PTPRQ: variants seen among roughly 807,000 people sequenced by gnomAD.
PTPRQ encodes phosphatidylinositol phosphatase PTPRQ.
In PTPRQ, 199 loss-of-function variants were observed where a neutral mutation model predicts 246.0. That is an observed-to-expected ratio of 0.81 (90% CI 0.72 to 0.91). PTPRQ has a LOEUF of 0.91. Ranked by LOEUF, PTPRQ falls within the 40% of genes least tolerant of loss-of-function variation. PTPRQ has a pLI of 0.00. For missense variants in PTPRQ, 2,624 were observed against 2,528.4 expected (o/e 1.04, Z -0.81); for synonymous variants, 869 against 853.2 (o/e 1.02, Z -0.32).
Position 80,679,319 on chromosome 12 carries a change from T to C in PTPRQ, c.*296T>C, listed in dbSNP as rs989222806. 1 of 225,090 alleles carries C rather than the reference T, an allele frequency of 4.4e-6. No homozygotes were observed. The highest frequency in any genetic ancestry group is 8.6e-6 in the Non-Finnish European group (1 of 116,328). The allele number at this position is 225,090 out of a possible 1,614,324, so 13.9% of individuals were successfully genotyped here. A position where few individuals can be genotyped will look rare whatever the true frequency, so the allele number is the denominator to read the frequency against. On this transcript the variant is annotated 3_prime_UTR_variant, in exon 45 of 45. Transcript: ENST00000644991. ...AATAAGCCAAATAGAAAATTATTAT[T>C]ATATTAGCATTAATGTTTCAATGTG...
intron 43 of PTPRQ, among the ~76,000 whole-genome samples, chr12:80,675,776 G>A (rs1166029160): frequency 6.6e-6 from 1 of 152,116 alleles, no homozygotes; most frequent in Non-Finnish European, 1.5e-5. Flanking sequence ...GCTTGGGATG[G>A]GGATTTAGGG....
At chr12:80,539,648 G>A (rs1192465022) in intron 19 of PTPRQ, 128 bp from the exon 20 acceptor site, 2 of 750,096 alleles carry the variant, frequency 2.7e-6, no homozygotes, top group Non-Finnish European at 3.8e-6. Context: ...GTTCTATGTC[G>A]ATTTTCCTAA....
chr12:80,668,460 G>C (rs943106571), intron 39 of PTPRQ, among the ~76,000 whole-genome samples: 1 of 151,884 alleles, frequency 6.6e-6, no homozygotes, highest in African/African-American at 2.4e-5. Flanking sequence ...AAGTAGATAA[G>C]TAATTTCTTA....
intron 37 of PTPRQ, 96 bp from the exon 38 acceptor site, chr12:80,652,648 A>T (rs1432036963): frequency 3.5e-6 from 4 of 1,150,896 alleles, no homozygotes; most frequent in Admixed American, 4.0e-5. Context: ...TTTAAAAATT[A>T]AAAAAAAAGT....
intron 25 of PTPRQ, among the ~76,000 whole-genome samples, chr12:80,560,165 C>T (rs759562374): frequency 6.6e-6 from 1 of 152,160 alleles, no homozygotes; most frequent in Non-Finnish European, 1.5e-5. Context: ...GCTATACTTC[C>T]CAGGAAACCC....
chr12:80,459,248 CAA>C, intron 4 of PTPRQ, 34 bp from the exon 5 acceptor site: 1 of 398,114 alleles, frequency 2.5e-6, no homozygotes, highest in Non-Finnish European at 4.4e-6. Context: ...AGTTTTATAA[CAA>C]AGTTTTTTCC....
intron 3 of PTPRQ, among the ~76,000 whole-genome samples, chr12:80,455,969 A>T (rs1892969477): frequency 6.6e-6 from 1 of 152,154 alleles, no homozygotes; most frequent in Non-Finnish European, 1.5e-5. Context: ...TGAGCTTATA[A>T]AAAGCAGTGC....
Position 80,679,775 on chromosome 12 carries a change from C to T in PTPRQ, c.*752C>T, listed in dbSNP as rs1388537191. On this transcript the variant is annotated 3_prime_UTR_variant, in exon 45 of 45. Coordinates refer to ENST00000644991, the MANE Select transcript of PTPRQ (RefSeq NM_001145026.2). ...AGTTTTACCCCCTGTATTGTATATT[C>T]AAATATATAGTAAATGTATCAGAGT... 6.6e-6 allele frequency: 1 copy of T among 151,928 alleles called. No individual in the cohort carries two copies. The highest frequency in any genetic ancestry group is 1.5e-5 in the Non-Finnish European group (1 of 67,926). 9.4% of individuals were successfully genotyped at this position (151,928 alleles called of 1,614,324 possible).
At chr12:80,449,907 G>T (rs1892693433) in intron 3 of PTPRQ, among the ~76,000 whole-genome samples, 1 of 152,116 alleles carries the variant, frequency 6.6e-6, no homozygotes, top group South Asian at 2.1e-4. Context: ...TTCCAATTCT[G>T]TGAAGAAAGT....
intron 25 of PTPRQ, 58 bp from the exon 26 acceptor site, chr12:80,588,071 C>T: frequency 1.4e-6 from 2 of 1,444,754 alleles, no homozygotes; most frequent in Non-Finnish European, 1.8e-6. Flanking sequence ...ATTCTTTCTT[C>T]TCTTTATGAA....
chr12:80,495,238 A>T lies in PTPRQ; in HGVS notation c.1749A>T (p.Ser583=). 1 of 1,540,326 alleles carries T rather than the reference A, an allele frequency of 6.5e-7. No homozygotes were observed. ...KIINYKNISS[S]SILLYWDPPE... The stretch of plus-strand genomic sequence containing the variant: ...TAAACTATAAAAATATTAGTTCTTC[A>T]TCTATTTTGTTATATTGGGATCCTC... Residue 583 remains serine, a synonymous_variant, in exon 12 of 45, where the codon TCA becomes TCT. Transcript: ENST00000644991.
At chr12:80,625,709 C>T (rs932366173) in intron 33 of PTPRQ, among the ~76,000 whole-genome samples, 1 of 152,108 alleles carries the variant, frequency 6.6e-6, no homozygotes, top group African/African-American at 2.4e-5. Context: ...TTAGGGAAAC[C>T]TTTCTGGCCT....
At chr12:80,492,778 A>G (rs1296800445) in intron 9 of PTPRQ, among the ~76,000 whole-genome samples, 1 of 151,978 alleles carries the variant, frequency 6.6e-6, no homozygotes. Flanking sequence ...ATGTAGTTTT[A>G]TTCTGGTATG....
chr12:80,568,063 A>G (rs1350048444), intron 25 of PTPRQ, among the ~76,000 whole-genome samples: 1 of 152,224 alleles, frequency 6.6e-6, no homozygotes, highest in Admixed American at 6.5e-5. Flanking sequence ...ATAGTAGTAT[A>G]GGACTAAAAA....
At chr12:80,453,366 C>T (rs1378040101) in intron 3 of PTPRQ, among the ~76,000 whole-genome samples, 3 of 152,210 alleles carry the variant, frequency 2.0e-5, no homozygotes, top group African/African-American at 4.8e-5. Context: ...TCTCTCAACT[C>T]GTGAAAGTCA....
intron 25 of PTPRQ, among the ~76,000 whole-genome samples, chr12:80,578,758 A>C (rs1897346767): frequency 6.6e-6 from 1 of 152,208 alleles, no homozygotes; most frequent in Admixed American, 6.5e-5. Flanking sequence ...GACATTGCTT[A>C]TTAAATTATG....
chr12:80,597,469 A>C lies in PTPRQ; in HGVS notation c.4610-7590A>C, dbSNP rs368390858. Among the ~76,000 whole-genome samples the C allele has an allele frequency of 2.6e-5, 4 of 152,054 alleles. No individual in the cohort carries two copies. The East Asian group carries it at 7.7e-4, about 29-fold the overall frequency. On this transcript the variant is annotated intron_variant, in intron 26 of 44. Transcript: ENST00000644991. ...TCTTCATAGTTTATCCAGAATTAAA[A>C]TAGAATGAAAGATAGGAGACCAGTC...
intron 25 of PTPRQ, among the ~76,000 whole-genome samples, chr12:80,573,340 T>A (rs1897198822): frequency 6.6e-6 from 1 of 151,930 alleles, no homozygotes; most frequent in Non-Finnish European, 1.5e-5. Context: ...ATAGAAAAAA[T>A]TAGCCGGGCA....
intron 25 of PTPRQ, among the ~76,000 whole-genome samples, chr12:80,587,624 T>C (rs761862304): frequency 6.6e-6 from 1 of 151,934 alleles, no homozygotes; most frequent in South Asian, 2.1e-4. Context: ...TAAAAAAAAA[T>C]AGATGAATTA....
Sources: gnomAD v4.1 joint callset for allele counts (sites outside exome capture counted in the v4.1 genomes callset) on GRCh38, gnomAD v4.1.1 for gene constraint, MANE v1.5 for transcripts, NCBI Gene and HGNC (gene_info 2026-07-23, HGNC 2026-07-21) for gene names.